Variants in C16orf74 observed in about 807,000 individuals in gnomAD.
The protein encoded by C16orf74 is uncharacterized protein C16orf74.
Under a neutral mutation model 6.5 loss-of-function variants are expected in C16orf74, and 10 were observed. That is an observed-to-expected ratio of 1.54 (90% CI 0.95 to 2.61). The LOEUF is 2.61. Among genes scored for constraint, C16orf74 ranks in the 30% most tolerant of loss-of-function variants. C16orf74 has a pLI of 0.00. For missense variants in C16orf74, 141 were observed against 105.9 expected, an observed-to-expected ratio of 1.33 and a Z score of -1.45; for synonymous variants, 60 against 42.5, an observed-to-expected ratio of 1.41 and a Z score of -1.60.
At chr16:85,718,063 C>T (rs1257873341) in intron 2 of C16orf74, among the ~76,000 whole-genome samples, 2 of 152,198 alleles carry the variant, frequency 1.3e-5, no homozygotes, top group African/African-American at 2.4e-5. Context: ...CTCACGTGCG[C>T]CCTCTACTAG....
At chr16:85,718,812 G>C (rs948861473) in intron 2 of C16orf74, among the ~76,000 whole-genome samples, 6 of 152,262 alleles carry the variant, frequency 3.9e-5, no homozygotes, top group African/African-American at 1.4e-4. Flanking sequence ...AACTGCAGGT[G>C]TAAGTGTCCT....
chr16:85,736,382 G>C (rs76586042), intron 1 of C16orf74, among the ~76,000 whole-genome samples: 1 of 152,128 alleles, frequency 6.6e-6, no homozygotes, highest in Admixed American at 6.5e-5. Flanking sequence ...CCACCCAGGC[G>C]CACAAGGCCC....
chr16:85,746,290 C>T (rs1414771613), intron 1 of C16orf74, among the ~76,000 whole-genome samples: 4 of 152,196 alleles, frequency 2.6e-5, no homozygotes, highest in Admixed American at 2.0e-4. Flanking sequence ...ACAGAGGCTG[C>T]AGCTAGTGGA....
chr16:85,718,733 C>T (rs889040950), intron 2 of C16orf74, among the ~76,000 whole-genome samples: 2 of 152,264 alleles, frequency 1.3e-5, no homozygotes, highest in Non-Finnish European at 2.9e-5. Context: ...GCTGTGCACA[C>T]GTAATAAACA....
At chr16:85,724,845 A>C (rs2054117505) in intron 2 of C16orf74, among the ~76,000 whole-genome samples, 1 of 152,162 alleles carries the variant, frequency 6.6e-6, no homozygotes, top group African/African-American at 2.4e-5. Flanking sequence ...AGGGATCAAA[A>C]AGACAGCGTG....
At chr16:85,739,872 T>C (rs916899707) in intron 1 of C16orf74, among the ~76,000 whole-genome samples, 6 of 152,100 alleles carry the variant, frequency 3.9e-5, no homozygotes, top group African/African-American at 7.2e-5. Context: ...GGGGTCAATA[T>C]TAAGTTTTCT....
intron 2 of C16orf74, among the ~76,000 whole-genome samples, chr16:85,725,068 G>T (rs527597833): frequency 2.2e-4 from 33 of 152,294 alleles, no homozygotes; most frequent in South Asian, 4.1e-4. Context: ...TGACTGATGG[G>T]GGGGGGACCG....
intron 1 of C16orf74, among the ~76,000 whole-genome samples, chr16:85,748,588 A>C (rs2054400160): frequency 6.6e-6 from 1 of 152,180 alleles, no homozygotes. Flanking sequence ...ACAGAGCAAG[A>C]CTGTCTCAAG....
rs2054374450 is a variant in C16orf74, at chr16:85,746,474, G to C, written c.-19+4452C>G. On this transcript the variant is annotated intron_variant, in intron 1 of 3. Coordinates refer to ENST00000284245, the MANE Select transcript of C16orf74 (RefSeq NM_206967.3). ...TTCTAACGTCTGGCTGTCCCAGATG[G>C]GGACCTGGAGAACTAGACAGGGAAA... Among the ~76,000 whole-genome samples, 3 of 152,286 alleles carry C rather than the reference G, an allele frequency of 2.0e-5. No individual in the cohort carries two copies. In the South Asian group the frequency reaches 6.2e-4, roughly 32 times the overall value.
chr16:85,727,470 G>GA (rs1373306168), intron 2 of C16orf74, among the ~76,000 whole-genome samples: 1 of 152,170 alleles, frequency 6.6e-6, no homozygotes, highest in Non-Finnish European at 1.5e-5. Flanking sequence ...TCCTGCGACA[G>GA]AAAAAATACA....
intron 2 of C16orf74, 89 bp from the exon 3 acceptor site, chr16:85,710,396 CCCTT>C (rs2053958075): frequency 1.5e-6 from 2 of 1,305,346 alleles, no homozygotes; most frequent in Non-Finnish European, 2.0e-6. Flanking sequence ...GCGCCACCCT[CCCTT>C]CACTATCACC....
In C16orf74 at chr16:85,710,308, C is replaced by A; in HGVS notation, c.29-1G>T. ...CTGCTGCTGACACACATTTGAAAGC[C>A]TGAGAAGCCAGGCGTGGAGCACACA... On this transcript the variant is annotated splice_acceptor_variant, in intron 2 of 3. Coordinates refer to ENST00000284245, the MANE Select transcript of C16orf74 (RefSeq NM_206967.3). LOFTEE classifies it high-confidence loss of function. 6.6e-7 allele frequency: 1 copy of A among 1,505,822 alleles called. No homozygotes were observed. 93.3% of individuals were successfully genotyped at this position (1,505,822 alleles called of 1,614,324 possible).
intron 2 of C16orf74, among the ~76,000 whole-genome samples, chr16:85,719,376 C>T (rs1161242579): frequency 6.6e-6 from 1 of 152,092 alleles, no homozygotes; most frequent in Non-Finnish European, 1.5e-5. Flanking sequence ...CAGGAGGGTC[C>T]CCAGTGATTC....
intron 2 of C16orf74, among the ~76,000 whole-genome samples, chr16:85,733,881 C>T (rs565498878): frequency 3.3e-5 from 5 of 152,176 alleles, no homozygotes; most frequent in Non-Finnish European, 7.3e-5. Context: ...TCTCCGCAAG[C>T]GGTGTTGGAG....
At chr16:85,741,542 T>A (rs1475130741) in intron 1 of C16orf74, 1 of 169,738 alleles carries the variant, frequency 5.9e-6, no homozygotes. Context: ...ATATGGCAAT[T>A]TGATGTGGGG....
chr16:85,707,978 G>A lies in C16orf74; in HGVS notation c.*30C>T, dbSNP rs748505363. 4 of 1,547,674 alleles carry A rather than the reference G, an allele frequency of 2.6e-6. No individual in the cohort carries two copies. The highest frequency in any genetic ancestry group is 2.4e-5 in the East Asian group (1 of 40,934). On this transcript the variant is annotated 3_prime_UTR_variant, in exon 4 of 4. Transcript: ENST00000284245. ...ACCTGAAGCCGGGCCGCTGGAGCAG[G>A]AGCCAGCCAGCCAAACCCAGGACAC...
At chr16:85,711,840 G>C (rs1024051498) in intron 2 of C16orf74, among the ~76,000 whole-genome samples, 38 of 152,086 alleles carry the variant, frequency 2.5e-4, no homozygotes, top group African/African-American at 8.9e-4. Flanking sequence ...CTGTTCTCAG[G>C]CCTCCCTTGA....
intron 1 of C16orf74, among the ~76,000 whole-genome samples, chr16:85,738,189 G>A (rs1193851103): frequency 6.6e-6 from 1 of 151,960 alleles, no homozygotes; most frequent in Non-Finnish European, 1.5e-5. Context: ...AGACTGCAGT[G>A]AACCTTGATC....
rs112568705 is a variant in C16orf74 at position 85,721,605 on chromosome 16, A to C, written c.29-11298T>G. 3.0e-3 allele frequency among the ~76,000 whole-genome samples: 450 copies of C among 152,236 alleles called. 2 individuals carry two copies. Among genetic ancestry groups the C allele is most frequent in the Non-Finnish European group, 5.6e-3 (380 of 68,012 alleles). ...ATATATAACTGGGCATCCTGTTTTT[A>C]TGTTATTTTCCTCCTCAATCTGGCA... On this transcript the variant is annotated intron_variant, in intron 2 of 3. Coordinates refer to ENST00000284245, the MANE Select transcript of C16orf74 (RefSeq NM_206967.3).
Sources: allele counts gnomAD v4.1 joint callset (sites outside exome capture counted in the v4.1 genomes callset), GRCh38; gene constraint gnomAD v4.1.1; transcripts MANE v1.5; gene names NCBI Gene and HGNC (gene_info 2026-07-23, HGNC 2026-07-21).